Variants in TAB2 observed in about 807,000 individuals in gnomAD.
TAB2 encodes TGF-beta activated kinase 1 (MAP3K7) binding protein 2.
A neutral mutation model predicts 65.0 loss-of-function variants in TAB2; 3 were observed. That is an observed-to-expected ratio of 0.05 (90% CI 0.02 to 0.12). The LOEUF (loss-of-function observed/expected upper bound fraction) is 0.12. Among genes scored for constraint, TAB2 ranks in the 10% least tolerant of loss-of-function variants. TAB2 has a pLI of 1.00. For synonymous variants in TAB2, 298 were observed against 285.1 expected, an observed-to-expected ratio of 1.05 and a Z score of -0.46; for missense variants, 623 against 840.3, an observed-to-expected ratio of 0.74 and a Z score of 3.20.
intron 1 of TAB2, among the ~76,000 whole-genome samples, chr6:149,357,428 A>ACACACACACACACAC (rs1223441586): frequency 4.6e-5 from 3 of 65,552 alleles, no homozygotes; most frequent in African/African-American, 1.7e-4. Flanking sequence ...GGAGAAAAAA[A>ACACACACACACACAC]AAACACACAC....
At chr6:149,351,699 G>C (rs531802586) in intron 1 of TAB2, among the ~76,000 whole-genome samples, 2 of 152,202 alleles carry the variant, frequency 1.3e-5, no homozygotes, top group African/African-American at 2.4e-5. Context: ...AGAAGTTACT[G>C]CAAGTAAATA....
chr6:149,271,016 C>G (rs574240149), intron 1 of TAB2, among the ~76,000 whole-genome samples: 1 of 151,748 alleles, frequency 6.6e-6, no homozygotes, highest in Middle Eastern at 3.2e-3. Context: ...GCTGCCATGT[C>G]GCTCTATCTC....
chr6:149,276,094 T>C (rs1207472281), intron 1 of TAB2, among the ~76,000 whole-genome samples: 1 of 152,188 alleles, frequency 6.6e-6, no homozygotes, highest in Non-Finnish European at 1.5e-5. Flanking sequence ...AAGAGGTTAA[T>C]AATAGGGAAA....
chr6:149,222,049 C>T (rs956798859), intron 1 of TAB2, among the ~76,000 whole-genome samples: 2 of 152,162 alleles, frequency 1.3e-5, no homozygotes, highest in Admixed American at 6.5e-5. Context: ...AATCTGTAGA[C>T]GGCCCGAATG....
At chr6:149,353,852 TAGAG>T (rs1780567517) in intron 1 of TAB2, among the ~76,000 whole-genome samples, 1 of 152,168 alleles carries the variant, frequency 6.6e-6, no homozygotes, top group African/African-American at 2.4e-5. Context: ...TCTCTATATA[TAGAG>T]AGTGAGAGAT....
intron 1 of TAB2, among the ~76,000 whole-genome samples, chr6:149,241,896 GC>G (rs1777604602): frequency 6.6e-6 from 1 of 152,176 alleles, no homozygotes; most frequent in Non-Finnish European, 1.5e-5. Context: ...CAGCCTTCCA[GC>G]CCGTGCCTCC....
chr6:149,405,591 T>C (rs1782636147), intron 6 of TAB2, among the ~76,000 whole-genome samples: 1 of 152,210 alleles, frequency 6.6e-6, no homozygotes, highest in Non-Finnish European at 1.5e-5. Context: ...AATCCTGTCA[T>C]TTGTGATAAC....
At chr6:149,262,584 T>C (rs946401484) in intron 1 of TAB2, among the ~76,000 whole-genome samples, 3 of 152,030 alleles carry the variant, frequency 2.0e-5, no homozygotes, top group Admixed American at 1.3e-4. Context: ...CAAAATAAAT[T>C]TGGAGCTAAT....
At chr6:149,322,905 T>C (rs1486238373) in intron 1 of TAB2, among the ~76,000 whole-genome samples, 1 of 152,136 alleles carries the variant, frequency 6.6e-6, no homozygotes, top group African/African-American at 2.4e-5. Flanking sequence ...GTGAATGGGA[T>C]TTTTGAGGGA....
At chr6:149,380,585 A>C (rs1371569752) in intron 3 of TAB2, among the ~76,000 whole-genome samples, 2 of 152,208 alleles carry the variant, frequency 1.3e-5, no homozygotes, top group Non-Finnish European at 2.9e-5. Flanking sequence ...AGGACTGTTA[A>C]ATAAATACAT....
chr6:149,313,489 C>T (rs1375030877), upstream of TAB2, among the ~76,000 whole-genome samples: 1 of 152,218 alleles, frequency 6.6e-6, no homozygotes, highest in Admixed American at 6.5e-5. Flanking sequence ...TTGGCAATCT[C>T]ATGGCTTTAT....
intron 1 of TAB2, among the ~76,000 whole-genome samples, chr6:149,272,265 T>G (rs1471606898): frequency 2.0e-5 from 3 of 151,926 alleles, no homozygotes; most frequent in Non-Finnish European, 4.4e-5. Flanking sequence ...GACTGAAGAG[T>G]TTCCCAGATG....
At chr6:149,405,721 C>T (rs116668924) in intron 6 of TAB2, among the ~76,000 whole-genome samples, 91 of 152,126 alleles carry the variant, frequency 6.0e-4, no homozygotes, top group African/African-American at 2.1e-3. Context: ...GAGAGCAGAA[C>T]GGTGGTTACC....
At chr6:149,330,130 C>G (rs1779740021) in intron 1 of TAB2, among the ~76,000 whole-genome samples, 1 of 151,608 alleles carries the variant, frequency 6.6e-6, no homozygotes, top group African/African-American at 2.4e-5. Flanking sequence ...CCCTTGAGGT[C>G]CTTCCAAATT....
chr6:149,278,229 G>T (rs1211458199), intron 1 of TAB2, among the ~76,000 whole-genome samples: 1 of 152,066 alleles, frequency 6.6e-6, no homozygotes, highest in Non-Finnish European at 1.5e-5. Context: ...ATGCATAAGA[G>T]AAAAAATATG....
intron 3 of TAB2, among the ~76,000 whole-genome samples, chr6:149,380,399 A>G (rs12204461): frequency 2.0e-5 from 3 of 152,030 alleles, no homozygotes; most frequent in Non-Finnish European, 4.4e-5. Context: ...ATGTTGGTTA[A>G]TATATTTCTT....
chr6:149,337,579 T>G (rs536244767), intron 1 of TAB2, among the ~76,000 whole-genome samples: 1 of 152,114 alleles, frequency 6.6e-6, no homozygotes, highest in Non-Finnish European at 1.5e-5. Flanking sequence ...TCAACCAGTT[T>G]AGAAAAAAGG....
chr6:149,242,857 G>A (rs1777629050), intron 1 of TAB2, among the ~76,000 whole-genome samples: 1 of 152,194 alleles, frequency 6.6e-6, no homozygotes, highest in South Asian at 2.1e-4. Context: ...AAAGATGGCA[G>A]GCCTCACAGG....
intron 1 of TAB2, among the ~76,000 whole-genome samples, chr6:149,368,680 T>TGTG (rs1781121778): frequency 6.7e-6 from 1 of 149,264 alleles, no homozygotes. Context: ...TGTGTGTGTG[T>TGTG]TTACACAGAA....
Sources: gnomAD v4.1 joint callset for allele counts (sites outside exome capture counted in the v4.1 genomes callset) on GRCh38, gnomAD v4.1.1 for gene constraint, MANE v1.5 for transcripts, NCBI Gene and HGNC (gene_info 2026-07-23, HGNC 2026-07-21) for gene names.